Variants in INTS10 observed in about 807,000 individuals in gnomAD.
The protein encoded by INTS10 is integrator complex subunit 10, also known as chromosome 8 open reading frame 35.
INTS10 carries 44 observed loss-of-function variants against 94.4 expected under a neutral mutation model. That is an observed-to-expected ratio of 0.47 (90% CI 0.37 to 0.60). INTS10 has a LOEUF of 0.60. Ranked by LOEUF, INTS10 falls within the 20% of genes least tolerant of loss-of-function variation. The pLI is 0.00. For synonymous variants in INTS10, 341 were observed against 320.7 expected (o/e 1.06, Z -0.68); for missense variants, 797 against 868.7 (o/e 0.92, Z 1.04).
intron 4 of INTS10, 92 bp from the exon 5 acceptor site, chr8:19,822,347 T>G (rs2066443721): frequency 1.5e-6 from 1 of 672,592 alleles, no homozygotes; most frequent in Non-Finnish European, 2.6e-6. Context: ...TTATGCAAAC[T>G]GTGATAAGTA....
chr8:19,826,972 C>T (rs1279787376), intron 9 of INTS10, among the ~76,000 whole-genome samples: 4 of 152,052 alleles, frequency 2.6e-5, no homozygotes, highest in South Asian at 2.1e-4. Flanking sequence ...GTACTGGCCT[C>T]GGAATGGGAA....
chr8:19,848,734 A>G (rs2128814500), intron 16 of INTS10: 1 of 152,850 alleles, frequency 6.5e-6, no homozygotes, highest in Non-Finnish European at 1.5e-5. Flanking sequence ...CCTGTTAAAG[A>G]TGGTTACCAG....
chr8:19,827,698 C>T (rs2066910752), intron 9 of INTS10, among the ~76,000 whole-genome samples: 1 of 152,146 alleles, frequency 6.6e-6, no homozygotes, highest in East Asian at 1.9e-4. Flanking sequence ...AAGCACTCAT[C>T]TAGCAAGCCC....
chr8:19,846,039 A>G lies in INTS10; in HGVS notation c.1976+242A>G, dbSNP rs529718524. The G allele has an allele frequency of 2.4e-6, 1 of 413,804 alleles. No homozygotes were observed. Among genetic ancestry groups the G allele is most frequent in the South Asian group, 3.5e-5 (1 of 28,422 alleles). 25.6% of individuals were successfully genotyped at this position (413,804 alleles called of 1,614,324 possible). A position where few individuals can be genotyped will look rare whatever the true frequency, so the allele number is the denominator to read the frequency against. ...CACATTTGCAACTTTTTCACTAGACAAAAGTCTCATTCATGATATCTTTTA... is the reference window on the plus strand; with the variant it reads ...CACATTTGCAACTTTTTCACTAGACGAAAGTCTCATTCATGATATCTTTTA... On this transcript the variant is annotated intron_variant, in intron 16 of 16. Transcript: ENST00000397977. This position sits in a 1 kb window ranked among gnomAD's most constrained non-coding sequence, Gnocchi z 4.2.
At position 19,833,861 on chromosome 8, in the gene INTS10, G is replaced by C. The variant is rs184764346; in HGVS notation, c.1530+540G>C. Among the ~76,000 whole-genome samples, 375 of 152,206 alleles carry C rather than the reference G, an allele frequency of 2.5e-3. 3 individuals are homozygous for C. The highest frequency in any genetic ancestry group is 8.3e-3 in the African/African-American group (343 of 41,526). ...CATCTCTATTAAAATACAAAAATGAGCTGGGTGTGGTGGTGGGCACCTGTA... is the reference window on the plus strand; with the variant it reads ...CATCTCTATTAAAATACAAAAATGACCTGGGTGTGGTGGTGGGCACCTGTA... On this transcript the variant is annotated intron_variant, in intron 12 of 16. Transcript: ENST00000397977.
At chr8:19,826,394 T>C in intron 8 of INTS10, 32 bp from the exon 9 acceptor site, 3 of 1,583,692 alleles carry the variant, frequency 1.9e-6, no homozygotes, top group Non-Finnish European at 2.6e-6. Context: ...CTTGCTGCAC[T>C]GGTAAGTGTT....
rs2068577974 is a variant in INTS10 at position 19,846,287 on chromosome 8, T to C, written c.1976+490T>C. The stretch of plus-strand genomic sequence containing the variant: ...AAATACAAAAAAAAAAAAAAAATTA[T>C]GTGGGCATGATAGTGGGCACCTGTA... On this transcript the variant is annotated intron_variant, in intron 16 of 16. Transcript: ENST00000397977. The surrounding 1 kb of genome is among the most constrained non-coding windows in gnomAD (Gnocchi z 4.2). Among the ~76,000 whole-genome samples the C allele has an allele frequency of 1.3e-5, 2 of 150,610 alleles. No homozygotes were observed. Among genetic ancestry groups the C allele is most frequent in the Non-Finnish European group, 3.0e-5 (2 of 67,718 alleles).
intron 10 of INTS10, 111 bp downstream of exon 10, chr8:19,830,670 A>ATT: frequency 2.8e-5 from 26 of 934,964 alleles, no homozygotes; most frequent in South Asian, 3.6e-5. Context: ...TAGTTCATGC[A>ATT]TTTTTTTTTT....
At chr8:19,832,966 G>T (rs527575742) in intron 11 of INTS10, among the ~76,000 whole-genome samples, 5 of 152,064 alleles carry the variant, frequency 3.3e-5, no homozygotes, top group Non-Finnish European at 7.4e-5. Context: ...ATAAAGTACC[G>T]CCAGAAAGAA....
intron 15 of INTS10, 104 bp downstream of exon 15, chr8:19,844,342 C>CTAT: frequency 1.1e-6 from 1 of 931,620 alleles, no homozygotes; most frequent in Non-Finnish European, 1.6e-6. Flanking sequence ...ATGATTTTTA[C>CTAT]TATTTTGCAG....
At chr8:19,818,215 G>T in intron 1 of INTS10, 60 bp from the exon 2 acceptor site, 1 of 1,540,560 alleles carries the variant, frequency 6.5e-7, no homozygotes, top group Non-Finnish European at 9.0e-7. Flanking sequence ...AGCGATGCTG[G>T]ATGAGCTGGG....
At chr8:19,824,464 C>T (rs1388350595) in intron 7 of INTS10, 5 of 198,076 alleles carry the variant, frequency 2.5e-5, no homozygotes, top group South Asian at 1.2e-4. Flanking sequence ...TGCAATCCAG[C>T]CTGGGTGACA....
At chr8:19,827,444 C>T (rs923434504) in intron 9 of INTS10, among the ~76,000 whole-genome samples, 3 of 152,190 alleles carry the variant, frequency 2.0e-5, no homozygotes, top group Non-Finnish European at 4.4e-5. Context: ...TATTCACTGA[C>T]TGGTTTACTG....
rs770333259 is a variant in INTS10, at chr8:19,830,490, G to A, written c.1225G>A (p.Val409Met). 3 of 1,613,990 alleles carry A rather than the reference G, an allele frequency of 1.9e-6. No homozygotes were observed. Among genetic ancestry groups the A allele is most frequent in the African/African-American group, 1.3e-5 (1 of 74,926 alleles). The change falls in exon 10 of 17, where the codon GTG becomes ATG. Residue 409 changes from valine to methionine, a missense_variant. Coordinates refer to ENST00000397977, the MANE Select transcript of INTS10 (RefSeq NM_018142.4). ...AGCCGAACTTGCTAACTCCACTGAA[G>A]TGTTAGAAAGCTTTAAATTGGCCAG... ...NKAELANSTE[V>M]LESFKLARES... is the part of the protein sequence containing the mutation.
intron 15 of INTS10, 38 bp from the exon 16 acceptor site, chr8:19,845,666 C>CT (rs768735106): frequency 4.5e-5 from 67 of 1,496,776 alleles, no homozygotes; most frequent in Admixed American, 1.3e-4. Flanking sequence ...AAACTAGCAC[C>CT]TTTTTTTACA....
intron 16 of INTS10, 86 bp downstream of exon 16, chr8:19,845,883 C>A: frequency 1.2e-6 from 1 of 866,318 alleles, no homozygotes; most frequent in Non-Finnish European, 1.9e-6. Flanking sequence ...CTATACCTAT[C>A]AAAAATTTAA....
rs1162209347 is a variant in INTS10 at position 19,846,083 on chromosome 8, G to T, written c.1976+286G>T. On this transcript the variant is annotated intron_variant, in intron 16 of 16. Coordinates refer to ENST00000397977, the MANE Select transcript of INTS10 (RefSeq NM_018142.4). The surrounding 1 kb of genome is among the most constrained non-coding windows in gnomAD (Gnocchi z 4.2). Reference sequence around the variant, plus strand: ...TCTTTTACTTTCAAAAATTTATAGGGTGAGTCTATAAGTTTCTGATTAGTC... The same window carrying T: ...TCTTTTACTTTCAAAAATTTATAGGTTGAGTCTATAAGTTTCTGATTAGTC... 6.6e-6 allele frequency among the ~76,000 whole-genome samples: 1 copy of T among 152,004 alleles called. No homozygotes were observed. The highest frequency in any genetic ancestry group is 1.5e-5 in the Non-Finnish European group (1 of 68,008).
chr8:19,822,841 T>C (rs1376248435), intron 5 of INTS10, among the ~76,000 whole-genome samples: 2 of 151,964 alleles, frequency 1.3e-5, no homozygotes, highest in Middle Eastern at 3.4e-3. Flanking sequence ...TCCCAGCTAC[T>C]ACGGAGGTTG....
At chr8:19,823,230 G>A (rs945433590) in intron 5 of INTS10, 71 bp from the exon 6 acceptor site, 10 of 1,201,662 alleles carry the variant, frequency 8.3e-6, no homozygotes, top group Non-Finnish European at 8.4e-6. Context: ...AACTCTGAAA[G>A]CTTTTGTATT....
Sources: gnomAD v4.1 joint callset for allele counts (sites outside exome capture counted in the v4.1 genomes callset) on GRCh38, gnomAD v4.1.1 for gene constraint, Gnocchi (gnomAD v3.1) non-coding constraint, MANE v1.5 for transcripts, NCBI Gene and HGNC (gene_info 2026-07-23, HGNC 2026-07-21) for gene names.